NRG1: variants seen among roughly 807,000 people sequenced by gnomAD.
NRG1 encodes the protein neuregulin 1.
Under a neutral mutation model 63.8 loss-of-function variants are expected in NRG1, and 18 were observed. The observed-to-expected ratio is 0.28, with a 90% CI of 0.19 to 0.42. The LOEUF (loss-of-function observed/expected upper bound fraction) is 0.42. Ranked by LOEUF, NRG1 falls within the 10% of genes least tolerant of loss-of-function variation. The pLI is 1.00. For synonymous variants in NRG1, 302 were observed against 301.3 expected, an observed-to-expected ratio of 1.00 and a Z score of -0.02; for missense variants, 762 against 814.7, an observed-to-expected ratio of 0.94 and a Z score of 0.79.
At chr8:31,981,835 A>AT (rs751817921) in intron 1 of NRG1, among the ~76,000 whole-genome samples, 12 of 152,028 alleles carry the variant, frequency 7.9e-5, no homozygotes, top group African/African-American at 1.4e-4. Flanking sequence ...ACAAAAAAAA[A>AT]GGAATATGGT....
At chr8:32,583,120 G>A (rs951018942) in intron 1 of NRG1, among the ~76,000 whole-genome samples, 1 of 151,682 alleles carries the variant, frequency 6.6e-6, no homozygotes, top group East Asian at 1.9e-4. Context: ...ATGTAATTTC[G>A]TGCCATCTAG....
At chr8:32,614,383 C>G (rs1259138458) in intron 3 of NRG1, 131 bp from the exon 4 acceptor site, 6 of 759,976 alleles carry the variant, frequency 7.9e-6, no homozygotes, top group African/African-American at 3.4e-5. Context: ...ATGGTTAAAG[C>G]CTGGACTTTT....
At chr8:32,325,566 A>G (rs1037826613) in intron 1 of NRG1, among the ~76,000 whole-genome samples, 1 of 152,068 alleles carries the variant, frequency 6.6e-6, no homozygotes, top group Non-Finnish European at 1.5e-5. Flanking sequence ...TTTTGTAGAG[A>G]TAGGGTTTCA....
intron 1 of NRG1, among the ~76,000 whole-genome samples, chr8:31,726,313 A>C (rs1432638513): frequency 6.6e-6 from 1 of 152,198 alleles, no homozygotes; most frequent in Admixed American, 6.6e-5. Context: ...GTATTAGGTT[A>C]GACTGTACAA....
intron 1 of NRG1, among the ~76,000 whole-genome samples, chr8:32,508,533 G>C (rs1036243087): frequency 6.6e-6 from 1 of 151,468 alleles, no homozygotes; most frequent in Non-Finnish European, 1.5e-5. Context: ...GCCTGACCTC[G>C]TGATCCACCT....
At chr8:32,253,436 C>A (rs1052815138) in intron 1 of NRG1, among the ~76,000 whole-genome samples, 11 of 152,280 alleles carry the variant, frequency 7.2e-5, no homozygotes, top group African/African-American at 2.6e-4. Context: ...TTTTCTGCAT[C>A]TATTGAGACA....
chr8:32,742,544 A>G lies in NRG1; in HGVS notation c.633-131A>G, dbSNP rs1035883683. ...AGCCTGAAAGCCATGATCAGGGCAA[A>G]GATTCAGTTCCTGAGGGTGAACTCA... On this transcript the variant is annotated intron_variant, in intron 6 of 11. Transcript: ENST00000356819. This position sits in a 1 kb window ranked among gnomAD's most constrained non-coding sequence, Gnocchi z 4.2. 26 of 779,222 alleles carry G rather than the reference A, an allele frequency of 3.3e-5. No individual in the cohort carries two copies. The highest frequency in any genetic ancestry group is 5.2e-5 in the Non-Finnish European group (25 of 479,474). 48.3% of individuals were successfully genotyped at this position (779,222 alleles called of 1,614,324 possible).
intron 1 of NRG1, among the ~76,000 whole-genome samples, chr8:32,538,341 C>T (rs1832234482): frequency 6.6e-6 from 1 of 152,096 alleles, no homozygotes; most frequent in Non-Finnish European, 1.5e-5. Flanking sequence ...AAGATCAAGG[C>T]TATAGATGAT....
chr8:32,761,077 G>T, intron 11 of NRG1: 5 of 816,506 alleles, frequency 6.1e-6, no homozygotes, highest in Non-Finnish European at 7.4e-6. Context: ...TTTCCTTTGG[G>T]GAGATTGGGT....
intron 1 of NRG1, among the ~76,000 whole-genome samples, chr8:32,077,291 C>T (rs1479686335): frequency 1.3e-5 from 2 of 152,094 alleles, no homozygotes; most frequent in Non-Finnish European, 2.9e-5. Flanking sequence ...CGCTGGAACC[C>T]GGGAGGCAGA....
intron 1 of NRG1, among the ~76,000 whole-genome samples, chr8:32,002,303 C>A (rs371019008): frequency 6.6e-6 from 1 of 152,060 alleles, no homozygotes; most frequent in Non-Finnish European, 1.5e-5. Flanking sequence ...GGATTACAGG[C>A]GTGAGCCACC....
intron 1 of NRG1, among the ~76,000 whole-genome samples, chr8:32,280,691 GTTTTTTTTTTT>G (rs1174950316): frequency 3.5e-5 from 2 of 57,628 alleles, no homozygotes; most frequent in Non-Finnish European, 6.7e-5. Flanking sequence ...TTTTTTTTTT[GTTTTTTTTTTT>G]TTTTTTTTTT....
chr8:32,369,549 T>C (rs537879681), intron 1 of NRG1, among the ~76,000 whole-genome samples: 1 of 152,298 alleles, frequency 6.6e-6, no homozygotes, highest in South Asian at 2.1e-4. Context: ...CAGCTCTCTC[T>C]AGTATGCTAA....
At chr8:31,756,445 C>G (rs1329974200) in intron 1 of NRG1, among the ~76,000 whole-genome samples, 1 of 152,026 alleles carries the variant, frequency 6.6e-6, no homozygotes, top group Non-Finnish European at 1.5e-5. Context: ...AGCTTTTTCC[C>G]AAGCTGACCC....
At chr8:32,466,575 A>G (rs1823089910) in intron 1 of NRG1, among the ~76,000 whole-genome samples, 1 of 152,186 alleles carries the variant, frequency 6.6e-6, no homozygotes, top group Admixed American at 6.5e-5. Flanking sequence ...CCCAAACTTT[A>G]CACTGGTGTA....
chr8:32,213,565 A>T (rs1163703437), intron 1 of NRG1, among the ~76,000 whole-genome samples: 2 of 152,116 alleles, frequency 1.3e-5, no homozygotes, highest in Non-Finnish European at 2.9e-5. Flanking sequence ...GCACATGTTT[A>T]CCTATGTGAC....
chr8:31,728,529 G>T (rs926697863), intron 1 of NRG1, among the ~76,000 whole-genome samples: 1 of 152,022 alleles, frequency 6.6e-6, no homozygotes, highest in African/African-American at 2.4e-5. Flanking sequence ...TAGTTTTCAA[G>T]GAACTTTTCT....
At chr8:31,925,470 G>A (rs1028407827) in intron 1 of NRG1, among the ~76,000 whole-genome samples, 1 of 152,064 alleles carries the variant, frequency 6.6e-6, no homozygotes, top group East Asian at 1.9e-4. Flanking sequence ...TATCGTGCTT[G>A]AGTTTGGTCA....
At chr8:32,570,376 CAG>C (rs1429769109) in intron 1 of NRG1, among the ~76,000 whole-genome samples, 3 of 152,062 alleles carry the variant, frequency 2.0e-5, no homozygotes, top group Non-Finnish European at 2.9e-5. Flanking sequence ...TGGAAATAAA[CAG>C]AGAATAGAAC....
Sources: allele counts gnomAD v4.1 joint callset (sites outside exome capture counted in the v4.1 genomes callset), GRCh38; gene constraint gnomAD v4.1.1; non-coding constraint Gnocchi (gnomAD v3.1); transcripts MANE v1.5; gene names NCBI Gene and HGNC (gene_info 2026-07-23, HGNC 2026-07-21).